The following PLP1 variants were observed in gnomAD, a reference collection of about 807,000 sequenced individuals.
PLP1 encodes the protein myelin proteolipid protein.
A neutral mutation model predicts 18.5 loss-of-function variants in PLP1; 2 were observed. That is an observed-to-expected ratio of 0.11 (90% CI 0.04 to 0.34). The LOEUF (loss-of-function observed/expected upper bound fraction) is 0.34, where lower values mean the gene tolerates loss of function less well. PLP1 is among the 10% of genes least tolerant of loss of function. The pLI is 1.00. For synonymous variants in PLP1, 86 were observed against 83.2 expected (o/e 1.03, Z -0.19); for missense variants, 105 against 207.3 (o/e 0.51, Z 3.03).
Position 103,791,989 on chromosome X carries a change from C to G in PLP1, c.*1391C>G, listed in dbSNP as rs1311985037. ...AAGGTTATTTTCTCCTGATATAGAT[C>G]ACATAACAGAATGCACCAGTCATCA... On this transcript the variant is annotated 3_prime_UTR_variant, in exon 7 of 7. Coordinates refer to ENST00000621218, the MANE Select transcript of PLP1 (RefSeq NM_000533.5). The G allele has an allele frequency of 9.0e-6, 1 of 111,558 alleles. No individual in the cohort carries two copies. The highest frequency in any genetic ancestry group is 1.9e-5 in the Non-Finnish European group (1 of 53,090). 9.2% of individuals were successfully genotyped at this position (111,558 alleles called of 1,213,427 possible).
At position 103,785,779 on chromosome X, in the gene PLP1, G is replaced by GC; in HGVS notation, c.191+14dup. 1 of 1,185,807 alleles carries GC rather than the reference G, an allele frequency of 8.4e-7. No individual in the cohort carries two copies. The highest frequency in any genetic ancestry group is 1.1e-6 in the Non-Finnish European group (1 of 871,896). ...GTATCTCATCAATGTGTAAGTACCT[G>GC]CCCTCCCACACAGACCCATCTTTTT... is the stretch of plus-strand genomic sequence containing the variant. On this transcript the variant is annotated intron_variant, in intron 2 of 6. Transcript: ENST00000621218.
Position 103,786,501 on chromosome X carries a change from C to T in PLP1, c.228C>T (p.Ala76=). ...HAFQYVIYGT[A]SFFFLYGALL... ...TCCAGTATGTCATCTATGGAACTGC[C>T]TCTTTCTTCTTCCTTTATGGGGCCC... is the stretch of plus-strand genomic sequence containing the variant. Residue 76 remains alanine (A), a synonymous_variant, in exon 3 of 7, where the codon GCC becomes GCT. Transcript: ENST00000621218. 8.3e-7 allele frequency: 1 copy of T among 1,209,418 alleles called. No individual in the cohort carries two copies. The highest frequency in any genetic ancestry group is 1.1e-6 in the Non-Finnish European group (1 of 893,550).
At chrX:103,787,520 T>C (rs949018740) in intron 3 of PLP1, 2 of 413,120 alleles carry the variant, frequency 4.8e-6, no homozygotes, top group Admixed American at 4.2e-5. Context: ...TTACACCTTA[T>C]CTGCCCAAAA....
rs1161703670 is a variant in PLP1, at chrX:103,792,072, A to C, written c.*1474A>C. ...ACAGGCAGAAAGAGTTTGAGACCTG[A>C]ATAGCTCCCAGATTTCAGTCTTTTC... On this transcript the variant is annotated 3_prime_UTR_variant, in exon 7 of 7. Coordinates refer to ENST00000621218, the MANE Select transcript of PLP1 (RefSeq NM_000533.5). 1 of 111,002 alleles carries C rather than the reference A, an allele frequency of 9.0e-6. No individual in the cohort carries two copies. The highest frequency in any genetic ancestry group is 1.9e-5 in the Non-Finnish European group (1 of 52,939). The allele number at this position is 111,002 out of a possible 1,213,427, so 9.1% of individuals were successfully genotyped here. A position where few individuals can be genotyped will look rare whatever the true frequency, so the allele number is the denominator to read the frequency against.
At chrX:103,777,052 A>T in intron 1 of PLP1, 53 bp downstream of exon 1, 1 of 1,108,376 alleles carries the variant, frequency 9.0e-7, no homozygotes, top group Non-Finnish European at 1.2e-6. Context: ...AGGAATTCAC[A>T]AGAGAATTTC....
chrX:103,786,858 C>A (rs2074502058), intron 3 of PLP1, 132 bp downstream of exon 3: 1 of 689,101 alleles, frequency 1.5e-6, no homozygotes, highest in Non-Finnish European at 2.3e-6. Flanking sequence ...GCGATGGCTG[C>A]AGCCGAACGA....
In PLP1 at chrX:103,787,757, G is replaced by C. The variant is rs368005801; in HGVS notation, c.454-41G>C. 45 of 1,124,504 alleles carry C rather than the reference G, an allele frequency of 4.0e-5. No homozygotes were observed. The African/African-American group carries it at 7.2e-4, about 18-fold the overall frequency. 92.7% of individuals were successfully genotyped at this position (1,124,504 alleles called of 1,213,427 possible). On this transcript the variant is annotated intron_variant, in intron 3 of 6. Coordinates refer to ENST00000621218, the MANE Select transcript of PLP1 (RefSeq NM_000533.5). ...CCAGTTTGTGTTTCTACATCTGCAG[G>C]CTGATGCTGATTTCTAACCACCCCA...
chrX:103,783,120 G>C (rs1286207393), intron 1 of PLP1, among the ~76,000 whole-genome samples: 1 of 111,992 alleles, frequency 8.9e-6, no homozygotes, highest in Admixed American at 9.4e-5. Flanking sequence ...TGTTGAGAAA[G>C]AGGAAGATCA....
chrX:103,782,025 A>G (rs1602378106), intron 1 of PLP1, among the ~76,000 whole-genome samples: 1 of 112,268 alleles, frequency 8.9e-6, no homozygotes, highest in Non-Finnish European at 1.9e-5. Context: ...AGCCCAATGG[A>G]TCTTTTCTCA....
chrX:103,784,046 G>A (rs1486301086), intron 1 of PLP1, among the ~76,000 whole-genome samples: 1 of 112,263 alleles, frequency 8.9e-6, no homozygotes, highest in Non-Finnish European at 1.9e-5. Context: ...GAGGCCAGAG[G>A]AAGCCATTCT....
intron 1 of PLP1, among the ~76,000 whole-genome samples, chrX:103,783,769 T>C (rs1045069104): frequency 8.9e-6 from 1 of 111,785 alleles, no homozygotes; most frequent in African/African-American, 3.2e-5. Context: ...CTTGGAGAAA[T>C]GCTTGAATAC....
rs140047941 is a variant in PLP1 at position 103,786,528 on chromosome X, C to T, written c.255C>T (p.Leu85=). ...TASFFFLYGA[L]LLAEGFYTTG... The stretch of plus-strand genomic sequence containing the variant: ...CTTTCTTCTTCCTTTATGGGGCCCT[C>T]CTGCTGGCTGAGGGCTTCTACACCA... Residue 85 remains leucine (L), a synonymous_variant, in exon 3 of 7, where the codon CTC becomes CTT. Transcript: ENST00000621218. The T allele has an allele frequency of 1.7e-4, 202 of 1,208,759 alleles. No individual in the cohort carries two copies. Among genetic ancestry groups the T allele is most frequent in the Middle Eastern group, 6.9e-4 (3 of 4,375 alleles).
chrX:103,787,994 C>T lies in PLP1; in HGVS notation c.622+28C>T, dbSNP rs16984053. On this transcript the variant is annotated intron_variant, in intron 4 of 6. Transcript: ENST00000621218. ...GAGTTAGGGTACGGGTGCTTTGGCT[C>T]TCCTACCCACTATGGAAGCACTATA... 4.4e-6 allele frequency: 5 copies of T among 1,126,783 alleles called. No homozygotes were observed. The South Asian group carries it at 7.3e-5, about 16-fold the overall frequency. The allele number at this position is 1,126,783 out of a possible 1,213,427, so 92.9% of individuals were successfully genotyped here. A position where few individuals can be genotyped will look rare whatever the true frequency, so the allele number is the denominator to read the frequency against.
At chrX:103,789,112 T>C in intron 5 of PLP1, 2 of 458,373 alleles carry the variant, frequency 4.4e-6, no homozygotes, top group South Asian at 3.1e-5. Context: ...TACTGTACTA[T>C]TTCATGACTA....
intron 2 of PLP1, chrX:103,786,019 C>A: frequency 1.5e-6 from 1 of 689,525 alleles, no homozygotes; most frequent in Non-Finnish European, 2.0e-6. Flanking sequence ...GTTCTGACTT[C>A]TGCTAGGTGT....
intron 1 of PLP1, among the ~76,000 whole-genome samples, chrX:103,783,729 C>T (rs2074472612): frequency 8.9e-6 from 1 of 111,901 alleles, no homozygotes; most frequent in Non-Finnish European, 1.9e-5. Context: ...AGTCCCCTTT[C>T]CCTGGTACCC....
chrX:103,780,896 G>A (rs951546299), intron 1 of PLP1: 3 of 117,762 alleles, frequency 2.5e-5, no homozygotes, highest in African/African-American at 9.7e-5. Context: ...GATCAAGGAG[G>A]CCTCTGTTCA....
Position 103,788,477 on chromosome X carries a change from C to T in PLP1, c.663C>T (p.Gly221=). 1 of 1,208,853 alleles carries T rather than the reference C, an allele frequency of 8.3e-7. No homozygotes were observed. The highest frequency in any genetic ancestry group is 1.1e-6 in the Non-Finnish European group (1 of 892,803). Residue 221 remains glycine (G), a synonymous_variant, in exon 5 of 7, where the codon GGC becomes GGT. Coordinates refer to ENST00000621218, the MANE Select transcript of PLP1 (RefSeq NM_000533.5). ...PWNAFPGKVC[G]SNLLSICKTA... ...ATGCTTTCCCTGGCAAGGTTTGTGG[C>T]TCCAACCTTCTGTCCATCTGCAAAA...
chrX:103,786,866 C>G (rs769034718), intron 3 of PLP1, 140 bp downstream of exon 3: 2 of 654,244 alleles, frequency 3.1e-6, no homozygotes, highest in East Asian at 3.2e-5. Context: ...TGCAGCCGAA[C>G]GAGAAGGTCA....
Sources: gnomAD v4.1 joint callset for allele counts (sites outside exome capture counted in the v4.1 genomes callset) on GRCh38, gnomAD v4.1.1 for gene constraint, MANE v1.5 for transcripts, NCBI Gene and HGNC (gene_info 2026-07-23, HGNC 2026-07-21) for gene names.